EXOC4: variants seen among roughly 807,000 people sequenced by gnomAD.
EXOC4 encodes the protein exocyst complex component 4.
Under a neutral mutation model 107.2 loss-of-function variants are expected in EXOC4, and 71 were observed. The ratio of observed to expected loss-of-function variants is 0.66; its 90% CI spans 0.55 to 0.81. The LOEUF is 0.81. EXOC4 is among the 30% of genes least tolerant of loss of function. The pLI, the probability that EXOC4 is intolerant of heterozygous loss-of-function variation, is 0.00. For missense variants in EXOC4, 1,108 were observed against 1,189.6 expected, an observed-to-expected ratio of 0.93 and a Z score of 1.01; for synonymous variants, 456 against 441.2, an observed-to-expected ratio of 1.03 and a Z score of -0.42.
intron 17 of EXOC4, among the ~76,000 whole-genome samples, chr7:134,016,243 G>T (rs1794906403): frequency 6.6e-6 from 1 of 152,084 alleles, no homozygotes; most frequent in African/African-American, 2.4e-5. Flanking sequence ...GGAAAGGCCG[G>T]GAGTGAACAA....
chr7:133,690,016 T>G (rs1422842060), intron 10 of EXOC4, among the ~76,000 whole-genome samples: 1 of 152,216 alleles, frequency 6.6e-6, no homozygotes, highest in East Asian at 1.9e-4. Flanking sequence ...AGCTCTTTTT[T>G]TAATGAAAGT....
chr7:133,367,432 G>A (rs1269347088), intron 6 of EXOC4, among the ~76,000 whole-genome samples: 1 of 152,142 alleles, frequency 6.6e-6, no homozygotes. Context: ...AGAGGCCAAA[G>A]TGGGTTTCTT....
chr7:133,728,207 G>C (rs1438919365), intron 10 of EXOC4, among the ~76,000 whole-genome samples: 1 of 152,196 alleles, frequency 6.6e-6, no homozygotes, highest in Non-Finnish European at 1.5e-5. Context: ...CAGGTGGAGA[G>C]AGAAAGTTCC....
chr7:133,576,728 A>G, intron 9 of EXOC4: 1 of 1,289,818 alleles, frequency 7.8e-7, no homozygotes, highest in Non-Finnish European at 1.0e-6. Flanking sequence ...ACATGGAGAT[A>G]GAGGATATTG....
rs529088508 is a variant in EXOC4 at position 133,605,311 on chromosome 7, A to T, written c.1418-24734A>T. Among the ~76,000 whole-genome samples, 16 of 152,232 alleles carry T rather than the reference A, an allele frequency of 1.1e-4. 1 individual carries two copies. The South Asian group carries it at 2.3e-3, about 22-fold the overall frequency. ...TTCATTGAGATAAAATTTATAATAT[A>T]ATATTTTATAGAATTGTACAATTAT... On this transcript the variant is annotated intron_variant, in intron 9 of 17. Transcript: ENST00000253861.
rs186438211 is a variant in EXOC4, at chr7:133,267,911, C to G, written c.87-7071C>G. 1.4e-4 allele frequency among the ~76,000 whole-genome samples: 21 copies of G among 152,210 alleles called. No individual in the cohort carries two copies. In the East Asian group the frequency reaches 3.3e-3, roughly 24 times the overall value. On this transcript the variant is annotated intron_variant, in intron 1 of 17. Transcript: ENST00000253861. ...TACTAAGCACTTAATGTACCAGGCACTGTAAGAATATAGAGAAAAGGTCTG... is the reference window on the plus strand; with the variant it reads ...TACTAAGCACTTAATGTACCAGGCAGTGTAAGAATATAGAGAAAAGGTCTG...
chr7:133,646,412 T>A (rs1007579589), intron 10 of EXOC4, among the ~76,000 whole-genome samples: 8 of 152,242 alleles, frequency 5.3e-5, no homozygotes, highest in African/African-American at 1.9e-4. Flanking sequence ...ATATTTTTTC[T>A]TCTAAATACT....
At chr7:133,942,816 C>G (rs1012881932) in intron 14 of EXOC4, among the ~76,000 whole-genome samples, 3 of 152,132 alleles carry the variant, frequency 2.0e-5, no homozygotes, top group African/African-American at 7.2e-5. Flanking sequence ...TGTGCCTAAA[C>G]AGAATTTCTA....
At position 133,285,413 on chromosome 7, in the gene EXOC4, T is replaced by C. The variant is rs138203301; in HGVS notation, c.277-3509T>C. ...TTGAGAGCTTGCAAACCTGAAAATA[T>C]CTTTATTCTTTCCTCATACTTGATT... On this transcript the variant is annotated intron_variant, in intron 2 of 17. Transcript: ENST00000253861. Among the ~76,000 whole-genome samples, 43 of 152,336 alleles carry C rather than the reference T, an allele frequency of 2.8e-4. No homozygotes were observed. The East Asian group carries it at 6.9e-3, about 25-fold the overall frequency.
chr7:133,397,999 A>G (rs1226317354), intron 7 of EXOC4, among the ~76,000 whole-genome samples: 3 of 152,170 alleles, frequency 2.0e-5, no homozygotes, highest in Non-Finnish European at 4.4e-5. Context: ...TTCCAGTTAA[A>G]CTTTTAATTA....
the EXOC4 span, among the ~76,000 whole-genome samples, chr7:134,078,147 C>T: frequency 6.6e-6 from 1 of 151,928 alleles, no homozygotes; most frequent in Non-Finnish European, 1.5e-5. Context: ...AATCCTGGAT[C>T]CCCCCAGTTT....
At chr7:133,491,142 T>C (rs896212562) in intron 9 of EXOC4, among the ~76,000 whole-genome samples, 1 of 152,238 alleles carries the variant, frequency 6.6e-6, no homozygotes, top group African/African-American at 2.4e-5. Context: ...AAGTTACTTT[T>C]GGCTTCTCCA....
chr7:134,088,415 T>C, the EXOC4 span, among the ~76,000 whole-genome samples: 31,630 of 152,174 alleles, frequency 0.21, 4,938 homozygotes, highest in African/African-American at 0.44. Flanking sequence ...GAGTATACTT[T>C]ACCTAATTGT....
intron 17 of EXOC4, among the ~76,000 whole-genome samples, chr7:134,059,974 A>G (rs1214335752): frequency 1.3e-5 from 2 of 152,212 alleles, no homozygotes; most frequent in Admixed American, 6.5e-5. Flanking sequence ...GTTTTCAGAC[A>G]GAATGTATGG....
At chr7:133,786,479 A>G (rs548560899) in intron 10 of EXOC4, among the ~76,000 whole-genome samples, 1 of 152,360 alleles carries the variant, frequency 6.6e-6, no homozygotes, top group East Asian at 1.9e-4. Context: ...TGGTGGATCC[A>G]GGGTTAAAGC....
intron 9 of EXOC4, among the ~76,000 whole-genome samples, chr7:133,626,045 A>T (rs1447499604): frequency 6.6e-6 from 1 of 152,100 alleles, no homozygotes; most frequent in African/African-American, 2.4e-5. Context: ...TGTCTCTACT[A>T]AAAATACAAA....
At chr7:133,422,297 T>G (rs1042698257) in intron 7 of EXOC4, among the ~76,000 whole-genome samples, 3 of 152,202 alleles carry the variant, frequency 2.0e-5, no homozygotes, top group Admixed American at 2.0e-4. Flanking sequence ...AAAACTCGCT[T>G]AGTGAAGTTA....
intron 10 of EXOC4, among the ~76,000 whole-genome samples, chr7:133,646,197 T>G (rs1481595565): frequency 1.3e-5 from 2 of 152,202 alleles, no homozygotes; most frequent in East Asian, 3.8e-4. Flanking sequence ...TGTCAAAAAT[T>G]TCATGTCCTT....
chr7:133,291,583 T>C (rs377217260), intron 3 of EXOC4, among the ~76,000 whole-genome samples: 2 of 151,940 alleles, frequency 1.3e-5, no homozygotes, highest in African/African-American at 4.8e-5. Flanking sequence ...GTTTTCACCA[T>C]GTTGGGTCAG....
Sources: allele counts gnomAD v4.1 joint callset (sites outside exome capture counted in the v4.1 genomes callset), GRCh38; gene constraint gnomAD v4.1.1; transcripts MANE v1.5; gene names NCBI Gene and HGNC (gene_info 2026-07-23, HGNC 2026-07-21).